The following FBXO9 variants were observed in gnomAD, a reference collection of about 807,000 sequenced individuals.
The protein encoded by FBXO9 is F-box protein 9, also known as F-box only protein 9.
A neutral mutation model predicts 63.7 loss-of-function variants in FBXO9; 43 were observed. The ratio of observed to expected loss-of-function variants is 0.67; its 90% CI spans 0.53 to 0.87. The LOEUF (loss-of-function observed/expected upper bound fraction) is 0.87, where lower values mean the gene tolerates loss of function less well. Among genes scored for constraint, FBXO9 ranks in the 40% least tolerant of loss-of-function variants. The pLI is 0.00. For synonymous variants in FBXO9, 156 were observed against 171.7 expected, an observed-to-expected ratio of 0.91 and a Z score of 0.72; for missense variants, 442 against 533.2, an observed-to-expected ratio of 0.83 and a Z score of 1.68.
chr6:53,078,483 G>T (rs149330804), intron 4 of FBXO9, among the ~76,000 whole-genome samples: 27 of 151,986 alleles, frequency 1.8e-4, no homozygotes, highest in African/African-American at 5.3e-4. Context: ...TATTTTTGTT[G>T]GCTATAGCAA....
rs374719446 is a variant in FBXO9, at chr6:53,093,869, GTT to G, written c.960-5_960-4del. The G allele has an allele frequency of 7.0e-5, 92 of 1,316,742 alleles. No individual in the cohort carries two copies. Among genetic ancestry groups the G allele is most frequent in the Middle Eastern group, 1.9e-4 (1 of 5,300 alleles). 81.6% of individuals were successfully genotyped at this position (1,316,742 alleles called of 1,614,324 possible). On this transcript the variant is annotated splice_polypyrimidine_tract_variant and intron_variant, in intron 10 of 12. Transcript: ENST00000323557. ...TTAATAACTGATTTAGATTCAATTT[GTT>G]TTTTTTTTTTAAGGACTGATGCAAT...
intron 2 of FBXO9, among the ~76,000 whole-genome samples, chr6:53,071,979 G>A (rs898302025): frequency 1.3e-5 from 2 of 152,116 alleles, no homozygotes; most frequent in Admixed American, 6.5e-5. Context: ...CATTTAAAAG[G>A]ATGAAGTAAA....
chr6:53,091,103 C>T (rs917674316), intron 7 of FBXO9: 3 of 152,116 alleles, frequency 2.0e-5, no homozygotes, highest in African/African-American at 7.2e-5. Context: ...GTGTAGTAAA[C>T]TCCAAGGAGC....
Position 53,069,445 on chromosome 6 carries a change from C to A in FBXO9, c.4-1612C>A, listed in dbSNP as rs1768831281. Among the ~76,000 whole-genome samples, 2 of 152,194 alleles carry A rather than the reference C, an allele frequency of 1.3e-5. 1 individual carries two copies. Among genetic ancestry groups the A allele is most frequent in the South Asian group, 4.1e-4 (2 of 4,826 alleles). On this transcript the variant is annotated intron_variant, in intron 1 of 12. Transcript: ENST00000323557. ...TTAGACTCAATTATGTTTGGAACAT[C>A]TGTCACAGCACCTTGTCAACTGCAT...
intron 10 of FBXO9, 61 bp from the exon 11 acceptor site, chr6:53,093,824 C>G: frequency 2.3e-6 from 3 of 1,286,076 alleles, no homozygotes; most frequent in African/African-American, 1.5e-5. Context: ...TTTGTTACTT[C>G]TTAGATTACT....
chr6:53,083,078 G>C (rs6924897), intron 7 of FBXO9, among the ~76,000 whole-genome samples: 1 of 152,108 alleles, frequency 6.6e-6, no homozygotes, highest in Non-Finnish European at 1.5e-5. Flanking sequence ...TGAGATAAGC[G>C]GCTAGCCATG....
rs1768664633 is a variant in FBXO9, at chr6:53,065,630, A to G, written c.-160A>G. ...GCTGCCGTACGCCGGGCCCGCAGTT[A>G]TTGCCGCTGCCTGGTGCGCTTCTCC... is the stretch of plus-strand genomic sequence containing the variant. On this transcript the variant is annotated 5_prime_UTR_variant, in exon 1 of 13. Transcript: ENST00000323557. 3 of 859,082 alleles carry G rather than the reference A, an allele frequency of 3.5e-6. No individual in the cohort carries two copies. The South Asian group carries it at 1.1e-4, about 32-fold the overall frequency. 53.2% of individuals were successfully genotyped at this position (859,082 alleles called of 1,614,324 possible).
chr6:53,094,149 T>C (rs982984261), intron 11 of FBXO9, among the ~76,000 whole-genome samples, 171 bp downstream of exon 11: 8 of 151,488 alleles, frequency 5.3e-5, no homozygotes, highest in African/African-American at 2.5e-5. Context: ...TTTTCTAAAA[T>C]GTTGTTATTT....
At chr6:53,074,515 G>A (rs948312030) in intron 3 of FBXO9, among the ~76,000 whole-genome samples, 2 of 152,188 alleles carry the variant, frequency 1.3e-5, no homozygotes, top group Non-Finnish European at 2.9e-5. Context: ...ACTTGTCTGT[G>A]TGTATGTGTA....
intron 1 of FBXO9, among the ~76,000 whole-genome samples, chr6:53,067,600 T>A (rs995381547): frequency 6.6e-6 from 1 of 152,108 alleles, no homozygotes; most frequent in Non-Finnish European, 1.5e-5. Context: ...GAATGACTGC[T>A]AGGCAAGAGT....
intron 3 of FBXO9, 92 bp from the exon 4 acceptor site, chr6:53,076,394 T>C: frequency 1.3e-6 from 1 of 778,518 alleles, no homozygotes; most frequent in South Asian, 1.8e-5. Context: ...TATCCAGTTA[T>C]TTTGCACAAT....
At position 53,098,349 on chromosome 6, in the gene FBXO9, T is replaced by A. The variant is rs1024729046; in HGVS notation, c.*519T>A. 23 of 160,944 alleles carry A rather than the reference T, an allele frequency of 1.4e-4. No individual in the cohort carries two copies. The highest frequency in any genetic ancestry group is 5.3e-4 in the African/African-American group (22 of 41,596). The allele number at this position is 160,944 out of a possible 1,614,324, so 10.0% of individuals were successfully genotyped here. ...GAAATTATTTCACCAATAAAGATCA[T>A]AAATAAATGTTTCTTTCAAGAAAAT... On this transcript the variant is annotated 3_prime_UTR_variant, in exon 13 of 13. Coordinates refer to ENST00000323557, the MANE Select transcript of FBXO9 (RefSeq NM_033480.3).
chr6:53,082,052 GA>G (rs1769332619), intron 6 of FBXO9, among the ~76,000 whole-genome samples: 1 of 151,928 alleles, frequency 6.6e-6, no homozygotes, highest in Non-Finnish European at 1.5e-5. Flanking sequence ...CTGGGCAACA[GA>G]GCAAGAACCT....
rs1768669372 is a variant in FBXO9, at chr6:53,065,740, G to T, written c.-50G>T. On this transcript the variant is annotated 5_prime_UTR_variant, in exon 1 of 13. Transcript: ENST00000323557. Reference sequence around the variant, plus strand: ...CAGCACCCCTCCTCCGGGGGGCGGTGCAGAGGGGGCACGGAGAGCCCCTCG... The same window carrying T: ...CAGCACCCCTCCTCCGGGGGGCGGTTCAGAGGGGGCACGGAGAGCCCCTCG... 7.0e-7 allele frequency: 1 copy of T among 1,424,298 alleles called. No individual in the cohort carries two copies. 88.2% of individuals were successfully genotyped at this position (1,424,298 alleles called of 1,614,324 possible).
chr6:53,074,509 G>A (rs1053706961), intron 3 of FBXO9, among the ~76,000 whole-genome samples: 1 of 152,162 alleles, frequency 6.6e-6, no homozygotes, highest in Admixed American at 6.5e-5. Flanking sequence ...ACAAGCACTT[G>A]TCTGTGTGTA....
intron 7 of FBXO9, among the ~76,000 whole-genome samples, chr6:53,085,778 C>A (rs990146581): frequency 2.6e-5 from 4 of 151,892 alleles, no homozygotes; most frequent in Non-Finnish European, 5.9e-5. Context: ...ATACAGTTTA[C>A]CAAGTGAGGT....
intron 3 of FBXO9, among the ~76,000 whole-genome samples, chr6:53,074,694 TA>T (rs1400457963): frequency 6.6e-6 from 1 of 152,258 alleles, no homozygotes; most frequent in Non-Finnish European, 1.5e-5. Flanking sequence ...AAGAATGTTG[TA>T]TAAGTGGAAT....
At chr6:53,069,543 T>C (rs1182379709) in intron 1 of FBXO9, among the ~76,000 whole-genome samples, 3 of 152,238 alleles carry the variant, frequency 2.0e-5, no homozygotes, top group African/African-American at 7.2e-5. Flanking sequence ...AAAAAAGAAA[T>C]AGCAGAATCT....
At chr6:53,085,003 A>T (rs1382710588) in intron 7 of FBXO9, among the ~76,000 whole-genome samples, 1 of 152,170 alleles carries the variant, frequency 6.6e-6, no homozygotes, top group Non-Finnish European at 1.5e-5. Flanking sequence ...TTTCAGTCAA[A>T]GCCTTGGTAA....
Sources: gnomAD v4.1 joint callset for allele counts (sites outside exome capture counted in the v4.1 genomes callset) on GRCh38, gnomAD v4.1.1 for gene constraint, MANE v1.5 for transcripts, NCBI Gene and HGNC (gene_info 2026-07-23, HGNC 2026-07-21) for gene names.